CSPP1: variants seen among roughly 807,000 people sequenced by gnomAD.
The protein encoded by CSPP1 is centrosome and spindle pole associated protein 1.
A neutral mutation model predicts 164.4 loss-of-function variants in CSPP1; 126 were observed. The observed-to-expected ratio is 0.77, with a 90% confidence interval of 0.66 to 0.89. The LOEUF is 0.89. Ranked by LOEUF, CSPP1 falls within the 40% of genes least tolerant of loss-of-function variation. CSPP1 has a pLI of 0.00. For synonymous variants in CSPP1, 472 were observed against 476.7 expected (o/e 0.99, Z 0.13); for missense variants, 1,395 against 1,449.8 (o/e 0.96, Z 0.61).
intron 26 of CSPP1, chr8:67,175,678 G>T: frequency 1.6e-6 from 1 of 622,896 alleles, no homozygotes; most frequent in East Asian, 3.2e-5. Context: ...TAGCCAGGAG[G>T]ACTGAATACT....
intron 28 of CSPP1, 79 bp downstream of exon 28, chr8:67,180,005 C>T: frequency 1.3e-6 from 1 of 742,834 alleles, no homozygotes; most frequent in Non-Finnish European, 2.3e-6. Flanking sequence ...GTACTGTATT[C>T]CTTGTTGTAC....
At chr8:67,192,661 T>A (rs1391179749) in intron 29 of CSPP1, among the ~76,000 whole-genome samples, 1 of 152,196 alleles carries the variant, frequency 6.6e-6, no homozygotes, top group Non-Finnish European at 1.5e-5. Flanking sequence ...TAATTGTAGG[T>A]CCATGATACA....
At position 67,159,151 on chromosome 8, in the gene CSPP1, A is replaced by G. The variant is rs377387353; in HGVS notation, c.2538+14A>G. ...GAAGAAACAAAGGTAAGTTTCAGAC[A>G]AAAATGTCAATCAAACCCATAGTTT... On this transcript the variant is annotated intron_variant, in intron 21 of 30. Coordinates refer to ENST00000678616, the MANE Select transcript of CSPP1 (RefSeq NM_001382391.1). 2.5e-6 allele frequency: 4 copies of G among 1,592,116 alleles called. No homozygotes were observed. Among genetic ancestry groups the G allele is most frequent in the Non-Finnish European group, 3.4e-6 (4 of 1,173,268 alleles).
At chr8:67,166,443 T>C (rs568428145) in intron 24 of CSPP1, among the ~76,000 whole-genome samples, 1 of 152,378 alleles carries the variant, frequency 6.6e-6, no homozygotes, top group Non-Finnish European at 1.5e-5. Context: ...AGCACGTTAA[T>C]TTGACTACTT....
rs1830668602 is a variant in CSPP1 at position 67,172,483 on chromosome 8, A to G, written c.2896A>G (p.Arg966Gly). Residue 966 changes from arginine (R) to glycine (G), a missense_variant, in exon 25 of 31, where the codon AGA becomes GGA. Transcript: ENST00000678616. ...ACATCGGTTGCAAGCTCCTGTCAGA[A>G]GACAGTCCCCTAAGGGCTTAGACGC... ...ARHRLQAPVRRQSPKGLDAAT... is the reference protein window; with the variant it reads ...ARHRLQAPVRGQSPKGLDAAT... 1.9e-6 allele frequency: 3 copies of G among 1,613,430 alleles called. No homozygotes were observed. In the African/African-American group the frequency reaches 4.0e-5, roughly 22 times the overall value.
At chr8:67,131,196 A>G (rs1821162651) in intron 15 of CSPP1, among the ~76,000 whole-genome samples, 1 of 152,096 alleles carries the variant, frequency 6.6e-6, no homozygotes, top group South Asian at 2.1e-4. Flanking sequence ...GAAGTTCAAG[A>G]CCAGCCTGGG....
intron 17 of CSPP1, among the ~76,000 whole-genome samples, chr8:67,144,227 T>C (rs1040817994): frequency 2.0e-5 from 3 of 152,226 alleles, no homozygotes; most frequent in African/African-American, 7.2e-5. Flanking sequence ...ATTACATTGA[T>C]TGATTTTTGA....
chr8:67,106,597 A>C (rs1013528586), intron 9 of CSPP1, among the ~76,000 whole-genome samples: 3 of 152,172 alleles, frequency 2.0e-5, no homozygotes, highest in African/African-American at 7.2e-5. Context: ...ATTTATTGGA[A>C]GTCAAGGTCA....
At chr8:67,168,452 A>G (rs1284247508) in intron 24 of CSPP1, among the ~76,000 whole-genome samples, 1 of 152,192 alleles carries the variant, frequency 6.6e-6, no homozygotes, top group Non-Finnish European at 1.5e-5. Context: ...CAGCGCCTCA[A>G]TTTTCTCGCT....
Position 67,105,967 on chromosome 8 carries a change from T to C in CSPP1, c.1085T>C (p.Met362Thr), listed in dbSNP as rs1179125451. ...NQDTCSPFAGMLFGGEDRELI... is the reference protein window; with the variant it reads ...NQDTCSPFAGTLFGGEDRELI... ...GATACCTGTAGTCCTTTTGCAGGGA[T>C]GCTCTTTGGTAGGCACAAAACTTCC... Residue 362 changes from methionine to threonine, a missense_variant, in exon 9 of 31, where the codon ATG (methionine) becomes ACG (threonine). Transcript: ENST00000678616. The C allele has an allele frequency of 1.3e-6, 2 of 1,575,864 alleles. No homozygotes were observed. Among genetic ancestry groups the C allele is most frequent in the South Asian group, 1.1e-5 (1 of 90,262 alleles).
At chr8:67,139,109 G>A (rs188174341) in intron 17 of CSPP1, among the ~76,000 whole-genome samples, 31 of 151,854 alleles carry the variant, frequency 2.0e-4, no homozygotes, top group African/African-American at 7.0e-4. Context: ...GTAGATGTGC[G>A]GCATTACCAG....
At chr8:67,139,526 A>G (rs547085937) in intron 17 of CSPP1, among the ~76,000 whole-genome samples, 2 of 152,344 alleles carry the variant, frequency 1.3e-5, no homozygotes, top group South Asian at 4.1e-4. Flanking sequence ...ACATGCTGCT[A>G]TAAAGACACA....
At chr8:67,113,463 T>C (rs969641759) in intron 10 of CSPP1, among the ~76,000 whole-genome samples, 2 of 152,180 alleles carry the variant, frequency 1.3e-5, no homozygotes, top group Non-Finnish European at 2.9e-5. Context: ...TTCTTTTTGC[T>C]AACTGAAAAT....
intron 17 of CSPP1, among the ~76,000 whole-genome samples, chr8:67,138,399 G>A (rs1369809536): frequency 2.0e-5 from 3 of 152,170 alleles, no homozygotes; most frequent in Admixed American, 6.5e-5. Flanking sequence ...TATGTAAATA[G>A]TTGTAATCTT....
intron 20 of CSPP1, 125 bp downstream of exon 20, chr8:67,158,721 T>C (rs1827151242): frequency 3.3e-6 from 4 of 1,220,752 alleles, no homozygotes; most frequent in South Asian, 1.8e-5. Flanking sequence ...ATCAGATCAA[T>C]ATACATTCTT....
At chr8:67,184,654 G>A (rs1046240178) in intron 28 of CSPP1, among the ~76,000 whole-genome samples, 1 of 151,950 alleles carries the variant, frequency 6.6e-6, no homozygotes, top group Non-Finnish European at 1.5e-5. Context: ...GAACCAGGAG[G>A]TGGAGGTTAC....
At chr8:67,183,294 C>T (rs1833501665) in intron 28 of CSPP1, among the ~76,000 whole-genome samples, 1 of 152,180 alleles carries the variant, frequency 6.6e-6, no homozygotes, top group Non-Finnish European at 1.5e-5. Context: ...CATCAACCAA[C>T]TGGATATAAT....
intron 25 of CSPP1, 114 bp downstream of exon 25, chr8:67,172,669 AT>A: frequency 1.1e-6 from 1 of 909,650 alleles, no homozygotes; most frequent in Non-Finnish European, 1.6e-6. Context: ...TATGGTATGT[AT>A]TTTAGTTAAA....
chr8:67,082,503 C>T (rs901517310), intron 3 of CSPP1, among the ~76,000 whole-genome samples: 1 of 152,104 alleles, frequency 6.6e-6, no homozygotes, highest in African/African-American at 2.4e-5. Flanking sequence ...TACAGTGTCT[C>T]CTCAATTAGT....
Sources: gnomAD v4.1 joint callset for allele counts (sites outside exome capture counted in the v4.1 genomes callset) on GRCh38, gnomAD v4.1.1 for gene constraint, MANE v1.5 for transcripts, NCBI Gene and HGNC (gene_info 2026-07-23, HGNC 2026-07-21) for gene names.